Variants in XRCC3 observed in about 807,000 individuals in gnomAD.
The protein encoded by XRCC3 is DNA repair protein XRCC3.
In XRCC3, 34 loss-of-function variants were observed where a neutral mutation model predicts 29.2. The ratio of observed to expected loss-of-function variants is 1.16; its 90% CI spans 0.88 to 1.55. The LOEUF is 1.55. Ranked by LOEUF, XRCC3 falls within the 40% of genes most tolerant of loss-of-function variation. The pLI is 0.00. For synonymous variants in XRCC3, 223 were observed against 211.3 expected (o/e 1.06, Z -0.48); for missense variants, 463 against 467.6 (o/e 0.99, Z 0.09).
chr14:103,713,965 G>C (rs2083717259), intron 1 of XRCC3: 1 of 152,226 alleles, frequency 6.6e-6, no homozygotes, highest in South Asian at 2.1e-4. Flanking sequence ...CTGGACCTCG[G>C]TCCCAGCTTC....
intron 4 of XRCC3, 89 bp from the exon 5 acceptor site, chr14:103,708,748 TGTGAGAGCACC>T: frequency 6.5e-7 from 1 of 1,534,164 alleles, no homozygotes; most frequent in Non-Finnish European, 9.0e-7. Context: ...TTAAGAGCAC[TGTGAGAGCACC>T]GTGCTTCCGA....
In XRCC3 at chr14:103,701,113, G is replaced by T. The variant is rs2083162250; in HGVS notation, c.562-1537C>A. The T allele has an allele frequency of 2.7e-6, 4 of 1,486,348 alleles. No homozygotes were observed. The Admixed American group carries it at 5.9e-5, about 22-fold the overall frequency. 92.1% of individuals were successfully genotyped at this position (1,486,348 alleles called of 1,614,324 possible). On this transcript the variant is annotated intron_variant, in intron 7 of 9. Transcript: ENST00000555055. ...TTCTCTAGGCAGACTTGGGGTGGGG[G>T]TTCCCCAGAGAGCTGTTTCCAGAAC...
In XRCC3 at chr14:103,699,537, G is replaced by A. The variant is rs761781412; in HGVS notation, c.601C>T (p.Leu201=). The A allele has an allele frequency of 9.0e-5, 145 of 1,613,448 alleles. No homozygotes were observed. Among genetic ancestry groups the A allele is most frequent in the Non-Finnish European group, 1.1e-4 (134 of 1,179,986 alleles). ...LECVNKKVPV[L]LSRGMARLVV... Reference sequence around the variant, plus strand: ...AGGCGAGCCATGCCCCGAGACAGCAGTACGGGGACCTTCTTATTCACACAC... The same window carrying A: ...AGGCGAGCCATGCCCCGAGACAGCAATACGGGGACCTTCTTATTCACACAC... Residue 201 remains leucine, a synonymous_variant, in exon 8 of 10, where the codon CTG becomes TTG. Coordinates refer to ENST00000555055, the MANE Select transcript of XRCC3 (RefSeq NM_005432.4).
At chr14:103,705,006 C>T (rs3212070) in intron 6 of XRCC3, 4 of 152,122 alleles carry the variant, frequency 2.6e-5, no homozygotes, top group Admixed American at 6.6e-5. Context: ...TGAGTGTCCG[C>T]GTAACCTTTA....
chr14:103,711,457 C>T lies in XRCC3; in HGVS notation c.-159+9G>A. The T allele has an allele frequency of 2.0e-6, 1 of 496,064 alleles. No individual in the cohort carries two copies. Among genetic ancestry groups the T allele is most frequent in the Non-Finnish European group, 3.9e-6 (1 of 253,718 alleles). The allele number at this position is 496,064 out of a possible 1,614,324, so 30.7% of individuals were successfully genotyped here. The stretch of plus-strand genomic sequence containing the variant: ...CTCCTGCAGCAGTTGAGTGCCCTGC[C>T]CGACTCACCTCTCTGGGGCTTGGGG... On this transcript the variant is annotated intron_variant, in intron 3 of 9. Coordinates refer to ENST00000555055, the MANE Select transcript of XRCC3 (RefSeq NM_005432.4).
intron 5 of XRCC3, 93 bp downstream of exon 5, chr14:103,708,429 G>A (rs1595670212): frequency 6.3e-7 from 1 of 1,577,846 alleles, no homozygotes; most frequent in East Asian, 2.3e-5. Context: ...GCTGGTCCCT[G>A]GGTGAAGTCT....
In XRCC3 at chr14:103,698,626, G is replaced by C; in HGVS notation, c.*172C>G. 3.0e-6 allele frequency: 2 copies of C among 664,878 alleles called. No homozygotes were observed. Among genetic ancestry groups the C allele is most frequent in the Non-Finnish European group, 5.3e-6 (2 of 378,554 alleles). The allele number at this position is 664,878 out of a possible 1,614,324, so 41.2% of individuals were successfully genotyped here. The stretch of plus-strand genomic sequence containing the variant: ...CAGAACATCCCCCCAGCTCAGATGG[G>C]GGTCAGTCTGTGGCCACCATCTTCG... On this transcript the variant is annotated 3_prime_UTR_variant, in exon 10 of 10. Coordinates refer to ENST00000555055, the MANE Select transcript of XRCC3 (RefSeq NM_005432.4).
At chr14:103,699,340 G>A (rs1203684256) in intron 8 of XRCC3, 24 bp downstream of exon 8, 6 of 1,579,676 alleles carry the variant, frequency 3.8e-6, no homozygotes, top group Non-Finnish European at 5.2e-6. Context: ...GAGCTCAGGG[G>A]TGCAACCCTG....
At chr14:103,708,228 G>C in intron 5 of XRCC3, 1 of 471,916 alleles carries the variant, frequency 2.1e-6, no homozygotes, top group Admixed American at 3.4e-5. Context: ...AGGGCTCTGG[G>C]TGCTGACTGC....
intron 5 of XRCC3, 45 bp from the exon 6 acceptor site, chr14:103,707,260 G>A (rs1398969197): frequency 4.5e-6 from 7 of 1,544,986 alleles, no homozygotes; most frequent in East Asian, 2.4e-5. Context: ...CTGGGCCTGC[G>A]GGCAGGGCTG....
chr14:103,709,507 G>T (rs979231838), intron 4 of XRCC3: 12 of 152,392 alleles, frequency 7.9e-5, no homozygotes, highest in Admixed American at 2.0e-4. Flanking sequence ...GACAACCATT[G>T]TGCGGCTGGA....
chr14:103,701,249 G>A lies in XRCC3; in HGVS notation c.562-1673C>T, dbSNP rs372219260. 1.1e-4 allele frequency: 168 copies of A among 1,545,040 alleles called. No homozygotes were observed. The African/African-American group carries it at 1.7e-3, about 15-fold the overall frequency. ...AGGATGGGACTGCCGAGTGTGGCCC[G>A]GAGCTGGCCCGGGACAGCCAGGGCG... On this transcript the variant is annotated intron_variant, in intron 7 of 9. Coordinates refer to ENST00000555055, the MANE Select transcript of XRCC3 (RefSeq NM_005432.4).
intron 6 of XRCC3, 77 bp from the exon 7 acceptor site, chr14:103,703,404 G>T: frequency 1.4e-6 from 2 of 1,449,566 alleles, no homozygotes; most frequent in Non-Finnish European, 1.9e-6. Flanking sequence ...AAGTGCAGAT[G>T]TCTCCCGCCA....
At chr14:103,699,942 A>C in intron 7 of XRCC3, 5 of 330,472 alleles carry the variant, frequency 1.5e-5, no homozygotes, top group Non-Finnish European at 2.4e-5. Context: ...TCTCCCCCTC[A>C]CAGGTCAGCA....
intron 1 of XRCC3, chr14:103,713,724 CAT>C (rs1399010018): frequency 6.6e-6 from 1 of 152,324 alleles, no homozygotes; most frequent in East Asian, 1.9e-4. Context: ...ACAGCACTTA[CAT>C]AGTCTGATGT....
intron 6 of XRCC3, chr14:103,706,720 C>T (rs528216684): frequency 6.8e-5 from 34 of 500,028 alleles, no homozygotes; most frequent in Admixed American, 1.6e-4. Context: ...GGGCCGGCAT[C>T]GCTGTGCTCA....
chr14:103,715,325 A>C (rs1266178005), intron 1 of XRCC3, 99 bp downstream of exon 1: 3 of 151,748 alleles, frequency 2.0e-5, no homozygotes, highest in East Asian at 2.0e-4. Context: ...CCGCCCCTTG[A>C]CCCTGCCTCA....
At chr14:103,706,147 C>G (rs191183867) in intron 6 of XRCC3, 1 of 355,424 alleles carries the variant, frequency 2.8e-6, no homozygotes, top group Non-Finnish European at 5.6e-6. Context: ...CCTCACCCTC[C>G]ACCCAGCACT....
intron 4 of XRCC3, 168 bp downstream of exon 4, chr14:103,710,853 AACACACACACAC>A (rs71126055): frequency 2.0e-4 from 110 of 563,362 alleles, no homozygotes; most frequent in Non-Finnish European, 3.0e-4. Context: ...TGTAGTTAAG[AACACACACACAC>A]ACACACACAC....
Sources: allele counts gnomAD v4.1 joint callset, GRCh38; gene constraint gnomAD v4.1.1; transcripts MANE v1.5; gene names NCBI Gene and HGNC (gene_info 2026-07-23, HGNC 2026-07-21).